Variants in DLC1 observed in about 807,000 individuals in gnomAD.
DLC1 encodes rho GTPase-activating protein 7.
In DLC1, 54 loss-of-function variants were observed where a neutral mutation model predicts 140.3. The ratio of observed to expected loss-of-function variants is 0.38; its 90% confidence interval spans 0.31 to 0.48. The LOEUF (loss-of-function observed/expected upper bound fraction) is 0.48. Ranked by LOEUF, DLC1 falls within the 20% of genes least tolerant of loss-of-function variation. The pLI is 0.96. For missense variants in DLC1, 2,536 were observed against 1,907.0 expected, an observed-to-expected ratio of 1.33 and a Z score of -6.14; for synonymous variants, 986 against 728.1, an observed-to-expected ratio of 1.35 and a Z score of -5.70.
rs1419662488 is a variant in DLC1 at position 13,453,562 on chromosome 8, T to A, written c.1023+45487A>T. ...TACATATATATATATATATATTTTT[T>A]TTTTTTTTTTTTCAGATAGAAATGT... On this transcript the variant is annotated intron_variant, in intron 2 of 17. Coordinates refer to ENST00000276297, the MANE Select transcript of DLC1 (RefSeq NM_182643.3). Among the ~76,000 whole-genome samples, 103 of 46,654 alleles carry A rather than the reference T, an allele frequency of 2.2e-3. 7 individuals are homozygous for A. The highest frequency in any genetic ancestry group is 8.2e-3 in the African/African-American group (97 of 11,798). 30.6% of individuals were successfully genotyped at this position (46,654 alleles called of 152,430 possible).
chr8:13,598,202 G>T (rs578066718), intron 1 of DLC1, among the ~76,000 whole-genome samples: 4 of 152,052 alleles, frequency 2.6e-5, no homozygotes, highest in African/African-American at 9.6e-5. Context: ...AAATAAAATG[G>T]GATATAAATA....
In DLC1 at chr8:13,139,213, C is replaced by A. The variant is rs558422825; in HGVS notation, c.1349-23556G>T. 1.6e-4 allele frequency among the ~76,000 whole-genome samples: 22 copies of A among 135,336 alleles called. No homozygotes were observed. The South Asian group carries it at 4.6e-3, about 28-fold the overall frequency. 88.8% of individuals were successfully genotyped at this position (135,336 alleles called of 152,430 possible). A position where few individuals can be genotyped will look rare whatever the true frequency, so the allele number is the denominator to read the frequency against. ...GCTGAGGAAGGAGGATTGCTTGAGC[C>A]GGGTAGTCGAGGCTGGATTAAGCTG... On this transcript the variant is annotated intron_variant, in intron 5 of 17. Transcript: ENST00000276297.
chr8:13,100,370 T>G lies in DLC1; in HGVS notation c.1967A>C (p.His656Pro). ...CGTCTTGGACTTGGCAGTTTTTTCG[T>G]GGCCTTTCATGCTGAAGCTGAAGCT... ...LSSFSFSMKG[H>P]EKTAKSKTRS... Residue 656 changes from histidine (H) to proline (P), a missense_variant, in exon 9 of 18, where the codon CAC becomes CCC. Transcript: ENST00000276297. 2 of 1,614,206 alleles carry G rather than the reference T, an allele frequency of 1.2e-6. No homozygotes were observed. The highest frequency in any genetic ancestry group is 1.1e-5 in the South Asian group (1 of 91,086).
intron 2 of DLC1, among the ~76,000 whole-genome samples, chr8:13,464,521 C>T (rs4831431): frequency 0.97 from 146,666 of 151,726 alleles, 71,101 homozygotes; most frequent in East Asian, 1. Flanking sequence ...AGTTGATACA[C>T]GAAACATATG....
rs1435069232 is a variant in DLC1 at position 13,099,479 on chromosome 8, T to A, written c.2858A>T (p.Asp953Val). The change falls in exon 9 of 18, where the codon GAT becomes GTT. Residue 953 changes from aspartate to valine, a missense_variant. Asp to Val is a radical substitution (Grantham distance 152). Transcript: ENST00000276297. Reference protein sequence around the residue: ...CPSSPKQIHLDVDNDRTTPSD... With the variant: ...CPSSPKQIHLVVDNDRTTPSD... ...GGGTGTGGTTCGGTCGTTGTCCACA[T>A]CCAGGTGTATCTGTTTTGGAGAGGA... 31 of 1,614,084 alleles carry A rather than the reference T, an allele frequency of 1.9e-5. No homozygotes were observed. Among genetic ancestry groups the A allele is most frequent in the Non-Finnish European group, 2.6e-5 (31 of 1,180,000 alleles).
Position 13,098,572 on chromosome 8 carries a change from G to A in DLC1, c.2994C>T (p.His998=), listed in dbSNP as rs149295187. The A allele has an allele frequency of 6.2e-7, 1 of 1,613,168 alleles. No homozygotes were observed. Among genetic ancestry groups the A allele is most frequent in the Non-Finnish European group, 8.5e-7 (1 of 1,179,616 alleles). The change falls in exon 10 of 18, where the codon CAC becomes CAT. Residue 998 remains histidine (H), a synonymous_variant. Transcript: ENST00000276297. ...VGASLTRSNR[H]RLRWHSFQSS... is the part of the protein sequence containing the mutation. ...TCTGGAAACTGTGCCATCTCAGTCG[G>A]TGCCTGCGAGAGAAGAGGAGAGGAA...
At chr8:13,130,736 C>A (rs971727790) in intron 5 of DLC1, among the ~76,000 whole-genome samples, 1 of 152,172 alleles carries the variant, frequency 6.6e-6, no homozygotes, top group African/African-American at 2.4e-5. Flanking sequence ...CTTTTCTCAC[C>A]CACTCCAGGG....
At chr8:13,375,254 C>G (rs1025646571) in intron 4 of DLC1, among the ~76,000 whole-genome samples, 3 of 152,078 alleles carry the variant, frequency 2.0e-5, no homozygotes, top group African/African-American at 7.2e-5. Flanking sequence ...GTCTCGATCT[C>G]CTGACCTCGT....
chr8:13,234,870 C>T (rs998893874), intron 5 of DLC1, among the ~76,000 whole-genome samples: 4 of 151,846 alleles, frequency 2.6e-5, no homozygotes, highest in African/African-American at 9.6e-5. Flanking sequence ...AACAGAAAAC[C>T]AAAACAAAAC....
chr8:13,266,423 C>A (rs1469791237), intron 5 of DLC1, among the ~76,000 whole-genome samples: 1 of 152,148 alleles, frequency 6.6e-6, no homozygotes, highest in Non-Finnish European at 1.5e-5. Context: ...GAGCACATTA[C>A]TCTATCCTGG....
chr8:13,435,905 C>G (rs1585103839), intron 2 of DLC1, among the ~76,000 whole-genome samples: 1 of 152,174 alleles, frequency 6.6e-6, no homozygotes, highest in Non-Finnish European at 1.5e-5. Context: ...CATGGCCATT[C>G]CAACTATTAC....
At chr8:13,179,986 T>A (rs1216223364) in intron 5 of DLC1, among the ~76,000 whole-genome samples, 1 of 152,136 alleles carries the variant, frequency 6.6e-6, no homozygotes, top group East Asian at 1.9e-4. Context: ...TAATTCTCTT[T>A]AAAACGTGAA....
chr8:13,370,624 G>A (rs2117115018), intron 4 of DLC1, among the ~76,000 whole-genome samples: 1 of 152,322 alleles, frequency 6.6e-6, no homozygotes. Context: ...TCCAGTTGTA[G>A]GGCTGGCTTC....
intron 2 of DLC1, chr8:13,498,848 A>T: frequency 1.8e-6 from 1 of 564,732 alleles, no homozygotes; most frequent in Non-Finnish European, 3.0e-6. Flanking sequence ...ACACATTATT[A>T]GTGAAACGGA....
intron 2 of DLC1, among the ~76,000 whole-genome samples, chr8:13,412,720 T>G (rs1255998285): frequency 1.3e-5 from 2 of 151,724 alleles, no homozygotes; most frequent in Non-Finnish European, 2.9e-5. Flanking sequence ...AATCACGAGG[T>G]CAGGAGATAG....
At chr8:13,132,824 G>C in intron 5 of DLC1, 2 of 1,259,428 alleles carry the variant, frequency 1.6e-6, no homozygotes, top group Non-Finnish European at 1.1e-6. Context: ...TGCAGAAAGC[G>C]TTTAAAGAGC....
intron 5 of DLC1, among the ~76,000 whole-genome samples, chr8:13,156,891 G>A (rs1025454543): frequency 1.3e-5 from 2 of 152,166 alleles, no homozygotes; most frequent in Non-Finnish European, 2.9e-5. Flanking sequence ...ATACATTCGG[G>A]ATAGGCAGAA....
chr8:13,400,773 A>G (rs1837258793), intron 3 of DLC1, among the ~76,000 whole-genome samples: 1 of 152,106 alleles, frequency 6.6e-6, no homozygotes, highest in Non-Finnish European at 1.5e-5. Context: ...TTATAAGTAA[A>G]CTCAACCATC....
intron 2 of DLC1, among the ~76,000 whole-genome samples, chr8:13,469,034 T>C (rs1800083994): frequency 1.3e-5 from 2 of 151,886 alleles, no homozygotes; most frequent in Non-Finnish European, 2.9e-5. Flanking sequence ...TTGGCCAGGA[T>C]GGTCTCGAAC....
Sources: gnomAD v4.1 joint callset for allele counts (sites outside exome capture counted in the v4.1 genomes callset) on GRCh38, gnomAD v4.1.1 for gene constraint, MANE v1.5 for transcripts, NCBI Gene and HGNC (gene_info 2026-07-23, HGNC 2026-07-21) for gene names.